Variants in TSGA10 observed in about 807,000 individuals in gnomAD.
TSGA10 encodes testis specific 10.
TSGA10 carries 43 observed loss-of-function variants against 96.6 expected under a neutral mutation model. The observed-to-expected ratio is 0.44, with a 90% CI of 0.35 to 0.57. TSGA10 has a LOEUF of 0.57. TSGA10 is among the 20% of genes least tolerant of loss of function. The pLI, the probability that TSGA10 is intolerant of heterozygous loss-of-function variation, is 0.01. For missense variants in TSGA10, 703 were observed against 834.4 expected, an observed-to-expected ratio of 0.84 and a Z score of 1.94; for synonymous variants, 229 against 269.9, an observed-to-expected ratio of 0.85 and a Z score of 1.48.
intron 15 of TSGA10, among the ~76,000 whole-genome samples, chr2:99,065,345 A>G (rs1448802477): frequency 2.0e-5 from 3 of 152,220 alleles, no homozygotes; most frequent in African/African-American, 7.2e-5. Flanking sequence ...CTCAGTGAAC[A>G]CTAGTAAATA....
chr2:99,144,435 C>G (rs947940426), intron 1 of TSGA10, among the ~76,000 whole-genome samples: 1 of 151,600 alleles, frequency 6.6e-6, no homozygotes, highest in African/African-American at 2.4e-5. Context: ...ATCACTCTCC[C>G]GAACTGCCTG....
intron 13 of TSGA10, 118 bp from the exon 14 acceptor site, chr2:99,071,992 C>T (rs188598918): frequency 3.4e-6 from 3 of 873,606 alleles, no homozygotes; most frequent in African/African-American, 3.4e-5. Flanking sequence ...ATTTTAAACA[C>T]GTTTGAATTT....
In TSGA10 at chr2:99,018,716, A is replaced by C. The variant is rs531315560; in HGVS notation, c.1818-76T>G. 3.7e-5 allele frequency: 46 copies of C among 1,251,820 alleles called. No individual in the cohort carries two copies. In the South Asian group the frequency reaches 6.5e-4, roughly 18 times the overall value. 77.5% of individuals were successfully genotyped at this position (1,251,820 alleles called of 1,614,324 possible). A position where few individuals can be genotyped will look rare whatever the true frequency, so the allele number is the denominator to read the frequency against. ...ATGATTCTGGGGTACATGAAACCAT[A>C]TTGATAGTGGTTTCTCAGCTGGATC... On this transcript the variant is annotated intron_variant, in intron 18 of 20. Coordinates refer to ENST00000393483, the MANE Select transcript of TSGA10 (RefSeq NM_025244.4).
rs539370558 is a variant in TSGA10 at position 99,020,282 on chromosome 2, T to C, written c.1815A>G (p.Lys605=). The C allele has an allele frequency of 4.0e-5, 64 of 1,612,666 alleles. No homozygotes were observed. In the East Asian group the frequency reaches 1.4e-3, roughly 35 times the overall value. Residue 605 remains lysine, a splice_region_variant and synonymous_variant, in exon 18 of 21, where the codon AAA becomes AAG. Coordinates refer to ENST00000393483, the MANE Select transcript of TSGA10 (RefSeq NM_025244.4). Reference sequence around the variant, plus strand: ...CTTTATATTGCTAAACAACTCACATTTTATTTTCTGCCAAACAAAGGTGTT... The same window carrying C: ...CTTTATATTGCTAAACAACTCACATCTTATTTTCTGCCAAACAAAGGTGTT... ...LKEHLCLAEN[K]MAIQSRDVAQ...
At chr2:99,056,975 A>G (rs1056471767) in intron 16 of TSGA10, among the ~76,000 whole-genome samples, 1 of 152,114 alleles carries the variant, frequency 6.6e-6, no homozygotes, top group Non-Finnish European at 1.5e-5. Context: ...GAAAAACTAC[A>G]TGATAATCTC....
chr2:99,070,393 T>C (rs907396879), intron 14 of TSGA10, among the ~76,000 whole-genome samples: 3 of 152,074 alleles, frequency 2.0e-5, no homozygotes, highest in East Asian at 3.8e-4. Context: ...CCTCTTCATG[T>C]AGAAAAAAGC....
At chr2:99,103,453 C>G (rs955769916) in intron 10 of TSGA10, among the ~76,000 whole-genome samples, 3 of 152,184 alleles carry the variant, frequency 2.0e-5, no homozygotes, top group Non-Finnish European at 4.4e-5. Context: ...ATTGATACAT[C>G]TTCGGCAACC....
chr2:99,102,763 C>T (rs2090917503), intron 10 of TSGA10: 1 of 1,591,420 alleles, frequency 6.3e-7, no homozygotes, highest in Non-Finnish European at 8.6e-7. Flanking sequence ...TTGGAAAATA[C>T]TACTTACTGG....
chr2:99,038,580 A>G (rs1238558974), intron 16 of TSGA10, among the ~76,000 whole-genome samples: 1 of 152,216 alleles, frequency 6.6e-6, no homozygotes, highest in Admixed American at 6.5e-5. Context: ...TATAATGATA[A>G]AAGGAAGAGT....
At chr2:99,123,697 A>G (rs536890153) in intron 2 of TSGA10, among the ~76,000 whole-genome samples, 1 of 152,266 alleles carries the variant, frequency 6.6e-6, no homozygotes, top group African/African-American at 2.4e-5. Flanking sequence ...TTCTATCTCC[A>G]TAATTTGCCT....
intron 7 of TSGA10, among the ~76,000 whole-genome samples, chr2:99,106,185 T>G (rs756093258): frequency 6.6e-6 from 1 of 152,168 alleles, no homozygotes; most frequent in African/African-American, 2.4e-5. Flanking sequence ...TGTTCAACCA[T>G]CCTTGGGTCC....
At position 99,148,622 on chromosome 2, in the gene TSGA10, T is replaced by G. The variant is rs146469007; in HGVS notation, c.-621+6071A>C. ...TAATTACAGCTTGATGAGTATGAAATTGTAAACTATCAAAGATACCACAGT... is the reference window on the plus strand; with the variant it reads ...TAATTACAGCTTGATGAGTATGAAAGTGTAAACTATCAAAGATACCACAGT... On this transcript the variant is annotated intron_variant, in intron 1 of 20. Transcript: ENST00000393483. 2.2e-3 allele frequency among the ~76,000 whole-genome samples: 339 copies of G among 152,286 alleles called. 1 individual carries two copies. Among genetic ancestry groups the G allele is most frequent in the African/African-American group, 7.2e-3 (300 of 41,566 alleles).
At chr2:99,041,457 T>G (rs906205206) in intron 16 of TSGA10, among the ~76,000 whole-genome samples, 1 of 152,072 alleles carries the variant, frequency 6.6e-6, no homozygotes, top group East Asian at 1.9e-4. Context: ...GTTACCAAAA[T>G]AGCATGGTAC....
At chr2:99,057,169 G>C (rs1005618469) in intron 16 of TSGA10, among the ~76,000 whole-genome samples, 4 of 152,058 alleles carry the variant, frequency 2.6e-5, no homozygotes, top group African/African-American at 9.7e-5. Flanking sequence ...AACAAGATAA[G>C]GATGCCCCTT....
At chr2:99,011,489 A>C (rs2079007209) in intron 20 of TSGA10, among the ~76,000 whole-genome samples, 1 of 152,194 alleles carries the variant, frequency 6.6e-6, no homozygotes, top group Admixed American at 6.5e-5. Context: ...ATTTTAAAAA[A>C]TGAACAAATC....
intron 12 of TSGA10, among the ~76,000 whole-genome samples, chr2:99,078,163 C>A (rs554724358): frequency 1.4e-5 from 2 of 147,380 alleles, no homozygotes; most frequent in African/African-American, 5.0e-5. Context: ...CCCAGCTACT[C>A]GGGAGGCTGA....
At chr2:99,102,527 T>C in intron 10 of TSGA10, 3 of 1,613,378 alleles carry the variant, frequency 1.9e-6, no homozygotes, top group Non-Finnish European at 2.5e-6. Context: ...ACTTGTTTGA[T>C]GAGATTGACC....
chr2:99,104,415 A>G (rs2091110719), intron 9 of TSGA10, among the ~76,000 whole-genome samples: 1 of 152,246 alleles, frequency 6.6e-6, no homozygotes. Flanking sequence ...GTTGCCCAAC[A>G]TTAATAAATT....
chr2:99,078,906 C>T (rs969249772), intron 11 of TSGA10, 93 bp from the exon 12 acceptor site: 42 of 1,059,922 alleles, frequency 4.0e-5, no homozygotes, highest in Non-Finnish European at 5.3e-5. Flanking sequence ...CTTCTCCTTA[C>T]TTCTAATATA....
Sources: gnomAD v4.1 joint callset for allele counts (sites outside exome capture counted in the v4.1 genomes callset) on GRCh38, gnomAD v4.1.1 for gene constraint, MANE v1.5 for transcripts, NCBI Gene and HGNC (gene_info 2026-07-23, HGNC 2026-07-21) for gene names.